ADGRL3: variants seen among roughly 807,000 people sequenced by gnomAD.
ADGRL3 encodes the protein calcium-independent alpha-latrotoxin receptor 3.
Under a neutral mutation model 153.5 loss-of-function variants are expected in ADGRL3, and 62 were observed. The ratio of observed to expected loss-of-function variants is 0.40; its 90% CI spans 0.33 to 0.50. ADGRL3 has a LOEUF of 0.50. Among genes scored for constraint, ADGRL3 ranks in the 20% least tolerant of loss-of-function variants. ADGRL3 has a pLI of 0.47. For synonymous variants in ADGRL3, 710 were observed against 672.5 expected (o/e 1.06, Z -0.86); for missense variants, 1,641 against 1,859.4 (o/e 0.88, Z 2.16).
chr4:61,216,714 A>C (rs1412480625), intron 1 of ADGRL3, among the ~76,000 whole-genome samples: 1 of 152,198 alleles, frequency 6.6e-6, no homozygotes, highest in East Asian at 1.9e-4. Flanking sequence ...GGAAAAGTAG[A>C]GGGCAAAGGA....
Position 61,784,206 on chromosome 4 carries a change from G to A in ADGRL3, c.1400-29603G>A, listed in dbSNP as rs116810900. Among the ~76,000 whole-genome samples, 1,387 of 152,144 alleles carry A rather than the reference G, an allele frequency of 9.1e-3. 24 individuals carry two copies. Among genetic ancestry groups the A allele is most frequent in the African/African-American group, 0.031 (1,286 of 41,538 alleles). ...GACAGATTATTTAGAAGGAATACCC[G>A]AATAGACCAGATGATAAAATCAAGA... is the stretch of plus-strand genomic sequence containing the variant. On this transcript the variant is annotated intron_variant, in intron 8 of 26. Coordinates refer to ENST00000683033, the MANE Select transcript of ADGRL3 (RefSeq NM_001387552.1).
intron 6 of ADGRL3, among the ~76,000 whole-genome samples, chr4:61,730,244 C>G (rs192640764): frequency 2.0e-5 from 3 of 151,980 alleles, no homozygotes; most frequent in African/African-American, 7.2e-5. Context: ...ATAAGTGAGA[C>G]TAGTCAAACT....
chr4:61,932,031 A>C (rs1381805486), intron 13 of ADGRL3, among the ~76,000 whole-genome samples: 2 of 152,050 alleles, frequency 1.3e-5, no homozygotes, highest in African/African-American at 4.8e-5. Context: ...ACACATATAC[A>C]TTCATATATA....
At chr4:61,418,725 C>A (rs1261110094) in intron 2 of ADGRL3, among the ~76,000 whole-genome samples, 2 of 150,654 alleles carry the variant, frequency 1.3e-5, no homozygotes, top group African/African-American at 4.9e-5. Context: ...ATAAAATGAT[C>A]TATTCATTCA....
intron 8 of ADGRL3, among the ~76,000 whole-genome samples, chr4:61,782,506 T>C (rs2097225422): frequency 6.6e-6 from 1 of 152,124 alleles, no homozygotes; most frequent in Non-Finnish European, 1.5e-5. Flanking sequence ...ATAAACATAA[T>C]AAACCTCAGA....
intron 5 of ADGRL3, among the ~76,000 whole-genome samples, chr4:61,641,143 A>T (rs2093647455): frequency 6.6e-6 from 1 of 152,106 alleles, no homozygotes; most frequent in Non-Finnish European, 1.5e-5. Flanking sequence ...TTTAATTTAA[A>T]AATAGGAATA....
At chr4:61,699,164 G>A (rs1277200764) in intron 6 of ADGRL3, among the ~76,000 whole-genome samples, 3 of 152,000 alleles carry the variant, frequency 2.0e-5, no homozygotes, top group Admixed American at 6.6e-5. Context: ...GTTTACAGCT[G>A]GAAAAATGAG....
chr4:61,971,134 A>T (rs940596073), intron 17 of ADGRL3, among the ~76,000 whole-genome samples: 6 of 151,674 alleles, frequency 4.0e-5, no homozygotes, highest in Admixed American at 6.6e-5. Flanking sequence ...AATTTTTTAA[A>T]TTTTTTTATT....
chr4:61,222,878 C>T (rs1021405078), intron 1 of ADGRL3, among the ~76,000 whole-genome samples: 4 of 151,916 alleles, frequency 2.6e-5, no homozygotes, highest in African/African-American at 4.8e-5. Context: ...ATGAGAGGTC[C>T]GATATTATGG....
intron 8 of ADGRL3, among the ~76,000 whole-genome samples, chr4:61,759,940 A>C (rs192474215): frequency 1.4e-4 from 22 of 152,214 alleles, no homozygotes; most frequent in Non-Finnish European, 2.6e-4. Flanking sequence ...GGTCTGCTCC[A>C]GACCCTGTTT....
At chr4:61,723,533 A>G (rs574052934) in intron 6 of ADGRL3, among the ~76,000 whole-genome samples, 57 of 152,236 alleles carry the variant, frequency 3.7e-4, no homozygotes, top group Non-Finnish European at 6.3e-4. Context: ...TCTGATTTGC[A>G]TAGGGCCCAG....
rs1340564554 is a variant in ADGRL3 at position 61,383,529 on chromosome 4, T to C, written c.-174+340T>C. 1.3e-4 allele frequency among the ~76,000 whole-genome samples: 20 copies of C among 151,948 alleles called. 1 individual carries two copies. The highest frequency in any genetic ancestry group is 4.8e-4 in the African/African-American group (20 of 41,540). On this transcript the variant is annotated intron_variant, in intron 2 of 26. Coordinates refer to ENST00000683033, the MANE Select transcript of ADGRL3 (RefSeq NM_001387552.1). ...TTTTCAGAAAGGCACGTATGTTTTA[T>C]TACTTTCTTAACTAATGTAGAATAA...
intron 2 of ADGRL3, among the ~76,000 whole-genome samples, chr4:61,471,380 G>T (rs909623416): frequency 6.6e-6 from 1 of 151,308 alleles, no homozygotes; most frequent in South Asian, 2.1e-4. Context: ...GAAAATATTG[G>T]TAATAAAATT....
At chr4:61,930,667 AAATAATGC>A (rs2150095634) in intron 13 of ADGRL3, among the ~76,000 whole-genome samples, 1 of 152,316 alleles carries the variant, frequency 6.6e-6, no homozygotes, top group Admixed American at 6.5e-5. Flanking sequence ...TCGCATTAAA[AAATAATGC>A]AAATGTGTAT....
intron 15 of ADGRL3, among the ~76,000 whole-genome samples, chr4:61,936,248 A>G (rs2098837809): frequency 1.3e-5 from 2 of 152,096 alleles, no homozygotes; most frequent in Admixed American, 1.3e-4. Flanking sequence ...CAAAATTCTC[A>G]GATTTGGAAA....
At position 61,240,292 on chromosome 4, in the gene ADGRL3, A is replaced by G. The variant is rs746705212; in HGVS notation, c.-240+38527A>G. 1.4e-4 allele frequency among the ~76,000 whole-genome samples: 21 copies of G among 152,156 alleles called. 1 individual carries two copies. The highest frequency in any genetic ancestry group is 2.9e-4 in the Non-Finnish European group (20 of 68,024). On this transcript the variant is annotated intron_variant, in intron 1 of 26. Transcript: ENST00000683033. ...TCCCATGTGTGAGGGCAGTGCCCTC[A>G]TGACTTAATCACCTATTAAAGTCCC...
Position 61,979,753 on chromosome 4 carries a change from T to A in ADGRL3, c.2996T>A (p.Ile999Asn). Residue 999 changes from isoleucine (I) to asparagine (N), a missense_variant, in exon 18 of 27, where the codon ATC becomes AAC. Coordinates refer to ENST00000683033, the MANE Select transcript of ADGRL3 (RefSeq NM_001387552.1). ...FVAELLFLIG[I>N]NRTDQPIACA... ...GCAGAGCTGCTCTTCCTGATTGGGA[T>A]CAACCGAACTGACCAACCAGTAAGC... 6.2e-7 allele frequency: 1 copy of A among 1,613,900 alleles called. No individual in the cohort carries two copies. Among genetic ancestry groups the A allele is most frequent in the Non-Finnish European group, 8.5e-7 (1 of 1,179,810 alleles).
At chr4:61,488,101 G>A (rs2098217416) in intron 2 of ADGRL3, among the ~76,000 whole-genome samples, 1 of 151,936 alleles carries the variant, frequency 6.6e-6, no homozygotes, top group Non-Finnish European at 1.5e-5. Context: ...ATAGATAATA[G>A]ATGTGCTGCT....
At position 61,644,599 on chromosome 4, in the gene ADGRL3, C is replaced by A. The variant is rs751890153; in HGVS notation, c.474-32227C>A. Among the ~76,000 whole-genome samples, 144 of 152,204 alleles carry A rather than the reference C, an allele frequency of 9.5e-4. 1 individual carries two copies. The highest frequency in any genetic ancestry group is 3.3e-3 in the African/African-American group (139 of 41,528). On this transcript the variant is annotated intron_variant, in intron 5 of 26. Transcript: ENST00000683033. The stretch of plus-strand genomic sequence containing the variant: ...GTTTCCATGTAGTTGAGCGGTTTTG[C>A]GTGAGATTCTTAATCCTGAGTTGTA...
Sources: gnomAD v4.1 joint callset for allele counts (sites outside exome capture counted in the v4.1 genomes callset) on GRCh38, gnomAD v4.1.1 for gene constraint, MANE v1.5 for transcripts, NCBI Gene and HGNC (gene_info 2026-07-23, HGNC 2026-07-21) for gene names.